Variants in CACNB4 observed in about 807,000 individuals in gnomAD.
CACNB4 encodes the protein calcium voltage-gated channel auxiliary subunit beta 4.
Under a neutral mutation model 71.2 loss-of-function variants are expected in CACNB4, and 32 were observed. That is an observed-to-expected ratio of 0.45 (90% CI 0.34 to 0.60). The LOEUF (loss-of-function observed/expected upper bound fraction) is 0.60, where lower values mean the gene tolerates loss of function less well. Ranked by LOEUF, CACNB4 falls within the 20% of genes least tolerant of loss-of-function variation. CACNB4 has a pLI of 0.01. For synonymous variants in CACNB4, 231 were observed against 236.9 expected (o/e 0.97, Z 0.23); for missense variants, 464 against 647.9 (o/e 0.72, Z 3.08).
chr2:152,070,490 G>A (rs1048785351), intron 2 of CACNB4, among the ~76,000 whole-genome samples: 3 of 152,142 alleles, frequency 2.0e-5, no homozygotes, highest in African/African-American at 4.8e-5. Context: ...TTTTTTTATA[G>A]TTGGCAAAAA....
At chr2:151,926,889 T>TA (rs1560009705) in intron 2 of CACNB4, among the ~76,000 whole-genome samples, 1 of 152,210 alleles carries the variant, frequency 6.6e-6, no homozygotes, top group Non-Finnish European at 1.5e-5. Flanking sequence ...GACTGCTACT[T>TA]ACTAACTTTG....
intron 2 of CACNB4, among the ~76,000 whole-genome samples, chr2:151,974,966 T>TGACCCA (rs1269118556): frequency 3.9e-5 from 6 of 152,196 alleles, no homozygotes; most frequent in African/African-American, 1.2e-4. Flanking sequence ...GGGTAAGTAA[T>TGACCCA]GACCCAGAAA....
intron 2 of CACNB4, among the ~76,000 whole-genome samples, chr2:152,078,304 C>CCCT (rs1687153672): frequency 6.6e-6 from 1 of 152,088 alleles, no homozygotes; most frequent in Non-Finnish European, 1.5e-5. Flanking sequence ...ACTGGGAGGG[C>CCCT]GGTCCACACA....
intron 12 of CACNB4, among the ~76,000 whole-genome samples, chr2:151,842,320 CTT>C (rs35662354): frequency 1.5e-3 from 104 of 67,714 alleles, no homozygotes; most frequent in African/African-American, 6.3e-3. Flanking sequence ...ATATTTGGAT[CTT>C]TTTTTTTTTT....
intron 2 of CACNB4, among the ~76,000 whole-genome samples, chr2:152,096,115 C>T (rs949459312): frequency 6.6e-6 from 1 of 152,094 alleles, no homozygotes; most frequent in African/African-American, 2.4e-5. Context: ...TTTATTGTAG[C>T]CAATACAGAA....
chr2:151,976,006 G>A (rs534924923), intron 2 of CACNB4, among the ~76,000 whole-genome samples: 14 of 152,332 alleles, frequency 9.2e-5, no homozygotes, highest in South Asian at 2.1e-4. Flanking sequence ...GCCGTGGAGC[G>A]CTCCCTATAG....
intron 5 of CACNB4, chr2:151,873,358 A>G (rs1449748503): frequency 6.6e-6 from 1 of 152,214 alleles, no homozygotes; most frequent in African/African-American, 2.4e-5. Context: ...GAACATCCCT[A>G]ATCCAAATGT....
intron 2 of CACNB4, among the ~76,000 whole-genome samples, chr2:151,961,305 G>A (rs993813657): frequency 1.1e-4 from 17 of 152,268 alleles, no homozygotes; most frequent in Admixed American, 1.1e-3. Flanking sequence ...TATCTTCTCA[G>A]TCTCCACAGA....
chr2:151,942,045 G>GGGAAAGGAATTCATTCCTGGGGGGAGGT (rs1560037513), intron 2 of CACNB4, among the ~76,000 whole-genome samples: 37 of 150,176 alleles, frequency 2.5e-4, no homozygotes, highest in African/African-American at 8.9e-4. Context: ...TATAAGAAAT[G>GGGAAAGGAATTCATTCCTGGGGGGAGGT]CTATCTAGAA....
At chr2:152,045,646 G>A (rs1342830293) in intron 2 of CACNB4, among the ~76,000 whole-genome samples, 1 of 152,014 alleles carries the variant, frequency 6.6e-6, no homozygotes, top group Non-Finnish European at 1.5e-5. Context: ...GAATGAAAAG[G>A]TGGATCAAAG....
In CACNB4 at chr2:152,098,995, T is replaced by A; in HGVS notation, c.17A>T (p.Tyr6Phe). The A allele has an allele frequency of 6.5e-7, 1 of 1,530,636 alleles. No individual in the cohort carries two copies. Among genetic ancestry groups the A allele is most frequent in the South Asian group, 1.2e-5 (1 of 81,470 alleles). 94.8% of individuals were successfully genotyped at this position (1,530,636 alleles called of 1,614,324 possible). Residue 6 changes from tyrosine (Y) to phenylalanine (F), a missense_variant, in exon 1 of 14, where the codon TAC (tyrosine) becomes TTC (phenylalanine). Coordinates refer to ENST00000539935, the MANE Select transcript of CACNB4 (RefSeq NM_000726.5). The surrounding 1 kb of genome is among the most constrained non-coding windows in gnomAD (Gnocchi z 5.3). MSSSS[Y>F]AKNGTADGPH... is the part of the protein sequence containing the mutation. Reference sequence around the variant, plus strand: ...CCCGTCCGCGGTCCCGTTCTTGGCGTAGGAGGAGGAGGACATCGTTCAGAG... The same window carrying A: ...CCCGTCCGCGGTCCCGTTCTTGGCGAAGGAGGAGGAGGACATCGTTCAGAG...
chr2:151,854,254 A>G (rs1004612707), intron 11 of CACNB4: 2 of 152,176 alleles, frequency 1.3e-5, no homozygotes, highest in African/African-American at 4.8e-5. Context: ...GAAGGGCTGA[A>G]CTCTCCTGCA....
At chr2:152,057,320 T>G (rs992441600) in intron 2 of CACNB4, among the ~76,000 whole-genome samples, 3 of 152,170 alleles carry the variant, frequency 2.0e-5, no homozygotes, top group Non-Finnish European at 2.9e-5. Flanking sequence ...CATTGCAGCC[T>G]TGTGACTACA....
At chr2:152,050,080 T>G (rs1319181143) in intron 2 of CACNB4, among the ~76,000 whole-genome samples, 3 of 152,254 alleles carry the variant, frequency 2.0e-5, no homozygotes, top group Non-Finnish European at 4.4e-5. Flanking sequence ...GCATTTGGCA[T>G]GTTGGGTGAA....
At chr2:151,981,482 G>A (rs894508735) in intron 2 of CACNB4, among the ~76,000 whole-genome samples, 1 of 152,130 alleles carries the variant, frequency 6.6e-6, no homozygotes, top group Non-Finnish European at 1.5e-5. Context: ...AGGAATTCAG[G>A]TCTGAGCGGA....
At chr2:151,982,155 T>C (rs74930792) in intron 2 of CACNB4, among the ~76,000 whole-genome samples, 3,673 of 152,240 alleles carry the variant, frequency 0.024, 153 homozygotes, top group African/African-American at 0.083. Context: ...GTATTCTTTC[T>C]CCATTTCCCC....
intron 2 of CACNB4, among the ~76,000 whole-genome samples, chr2:152,039,189 C>T (rs183561967): frequency 7.9e-5 from 12 of 152,120 alleles, no homozygotes; most frequent in African/African-American, 2.7e-4. Flanking sequence ...GAGGCCGAGG[C>T]CGATGGATCA....
intron 3 of CACNB4, among the ~76,000 whole-genome samples, chr2:151,882,154 C>A (rs1284521052): frequency 1.1e-5 from 1 of 93,362 alleles, no homozygotes; most frequent in East Asian, 2.6e-4. Context: ...GCTGGGATTA[C>A]AGGCGTAAGC....
At chr2:151,895,207 C>T (rs2099851743) in intron 2 of CACNB4, among the ~76,000 whole-genome samples, 1 of 150,878 alleles carries the variant, frequency 6.6e-6, no homozygotes, top group Admixed American at 6.6e-5. Flanking sequence ...AAATATACTA[C>T]AAAGCTACAG....
Sources: allele counts gnomAD v4.1 joint callset (sites outside exome capture counted in the v4.1 genomes callset), GRCh38; gene constraint gnomAD v4.1.1; non-coding constraint Gnocchi (gnomAD v3.1); transcripts MANE v1.5; gene names NCBI Gene and HGNC (gene_info 2026-07-23, HGNC 2026-07-21).